Variants in EEF2K observed in about 807,000 individuals in gnomAD.
The protein encoded by EEF2K is eukaryotic elongation factor 2 kinase.
Under a neutral mutation model 93.8 loss-of-function variants are expected in EEF2K, and 70 were observed. The observed-to-expected ratio is 0.75, with a 90% CI of 0.62 to 0.91. EEF2K has a LOEUF of 0.91. Among genes scored for constraint, EEF2K ranks in the 40% least tolerant of loss-of-function variants. The pLI is 0.00. For missense variants in EEF2K, 935 were observed against 972.9 expected (o/e 0.96, Z 0.52); for synonymous variants, 376 against 380.8 (o/e 0.99, Z 0.15).
chr16:22,208,537 A>G (rs1285116709), intron 1 of EEF2K, among the ~76,000 whole-genome samples: 3 of 152,178 alleles, frequency 2.0e-5, no homozygotes, highest in African/African-American at 7.2e-5. Flanking sequence ...CTCAAAAAAT[A>G]AAAAAGATCC....
intron 15 of EEF2K, among the ~76,000 whole-genome samples, chr16:22,271,587 C>A (rs2047583080): frequency 6.6e-6 from 1 of 151,638 alleles, no homozygotes; most frequent in Non-Finnish European, 1.5e-5. Context: ...GTAGTCCCAG[C>A]TACTTGGGAG....
intron 1 of EEF2K, among the ~76,000 whole-genome samples, chr16:22,211,336 C>CT (rs2046911395): frequency 6.6e-6 from 1 of 152,166 alleles, no homozygotes; most frequent in Non-Finnish European, 1.5e-5. Flanking sequence ...GGTTTTGGTG[C>CT]TTATCAGGTC....
intron 1 of EEF2K, among the ~76,000 whole-genome samples, chr16:22,216,752 A>G (rs138857172): frequency 6.6e-6 from 1 of 152,254 alleles, no homozygotes; most frequent in Non-Finnish European, 1.5e-5. Context: ...AGGAACCAGA[A>G]GAAGACCTAC....
intron 1 of EEF2K, among the ~76,000 whole-genome samples, chr16:22,218,323 C>T (rs1189324192): frequency 1.3e-5 from 2 of 152,194 alleles, no homozygotes; most frequent in Non-Finnish European, 2.9e-5. Context: ...CTGTGCTGGG[C>T]GTACACTAGT....
chr16:22,212,852 T>C (rs1405369829), intron 1 of EEF2K, among the ~76,000 whole-genome samples: 5 of 152,026 alleles, frequency 3.3e-5, no homozygotes, highest in Admixed American at 2.6e-4. Context: ...CACAGGCCTG[T>C]AGTCCCAGCT....
intron 2 of EEF2K, among the ~76,000 whole-genome samples, chr16:22,229,317 C>CA (rs916960004): frequency 2.0e-5 from 3 of 152,040 alleles, no homozygotes; most frequent in South Asian, 2.1e-4. Context: ...AAAAAACAAA[C>CA]AAAAAAACAC....
In EEF2K at chr16:22,281,886, TTATATA is replaced by T. The variant is rs1277454657; in HGVS notation, c.2068+1516_2068+1521del. Reference sequence around the variant, plus strand: ...ATCCATTCATCAGTTGATAGACAAGTTATATATATATTTTTTCTGTTACATAATGTA... The same window carrying T: ...ATCCATTCATCAGTTGATAGACAAGTTATATTTTTTCTGTTACATAATGTA... On this transcript the variant is annotated intron_variant, in intron 17 of 17. Coordinates refer to ENST00000263026, the MANE Select transcript of EEF2K (RefSeq NM_013302.5). Among the ~76,000 whole-genome samples, 9 of 152,258 alleles carry T rather than the reference TTATATA, an allele frequency of 5.9e-5. No individual in the cohort carries two copies. In the East Asian group the frequency reaches 1.7e-3, roughly 29 times the overall value.
At chr16:22,208,329 C>T (rs1298083807) in intron 1 of EEF2K, among the ~76,000 whole-genome samples, 1 of 152,132 alleles carries the variant, frequency 6.6e-6, no homozygotes, top group Non-Finnish European at 1.5e-5. Context: ...TTGAGACCAG[C>T]CTGGCCAACA....
chr16:22,242,125 CAG>C (rs1409105004), intron 2 of EEF2K, among the ~76,000 whole-genome samples: 2 of 152,088 alleles, frequency 1.3e-5, no homozygotes, highest in African/African-American at 4.8e-5. Flanking sequence ...GCCTGGACAA[CAG>C]AGAGAGACCT....
intron 2 of EEF2K, among the ~76,000 whole-genome samples, chr16:22,226,290 C>A (rs2047062533): frequency 1.4e-5 from 2 of 147,570 alleles, no homozygotes; most frequent in African/African-American, 5.0e-5. Flanking sequence ...CAGAGTTCTC[C>A]TCTGTCACCC....
chr16:22,282,676 A>G (rs2141691135), intron 17 of EEF2K, among the ~76,000 whole-genome samples: 1 of 152,378 alleles, frequency 6.6e-6, no homozygotes, highest in Admixed American at 6.5e-5. Flanking sequence ...ATGATACAGC[A>G]CCAAGGCCTG....
At chr16:22,248,623 G>A in intron 3 of EEF2K, 132 bp from the exon 4 acceptor site, 1 of 1,025,122 alleles carries the variant, frequency 9.8e-7, no homozygotes, top group Non-Finnish European at 1.5e-6. Flanking sequence ...GGTTGGCTGG[G>A]CTATGGGCCA....
intron 17 of EEF2K, 70 bp from the exon 18 acceptor site, chr16:22,283,817 A>G: frequency 7.0e-7 from 1 of 1,431,560 alleles, no homozygotes; most frequent in Admixed American, 2.0e-5. Flanking sequence ...GGGAGGGGTG[A>G]TGGGGGACAC....
chr16:22,207,643 C>T (rs534257662), intron 1 of EEF2K, among the ~76,000 whole-genome samples: 18 of 152,130 alleles, frequency 1.2e-4, no homozygotes, highest in African/African-American at 4.1e-4. Context: ...GGTTGAGGGC[C>T]CTGGACAGGC....
chr16:22,237,632 A>G lies in EEF2K; in HGVS notation c.247-6998A>G, dbSNP rs962899155. ...AACCCTGTCTCAAAAAAAAAAAGAA[A>G]AGAAGAAAACTCGTCTAACCCAGTA... On this transcript the variant is annotated intron_variant, in intron 2 of 17. Coordinates refer to ENST00000263026, the MANE Select transcript of EEF2K (RefSeq NM_013302.5). Among the ~76,000 whole-genome samples, 5 of 151,946 alleles carry G rather than the reference A, an allele frequency of 3.3e-5. No individual in the cohort carries two copies. In the East Asian group the frequency reaches 9.6e-4, roughly 29 times the overall value.
chr16:22,225,316 G>C (rs1339857041), intron 1 of EEF2K, among the ~76,000 whole-genome samples: 1 of 152,202 alleles, frequency 6.6e-6, no homozygotes, highest in Non-Finnish European at 1.5e-5. Context: ...TATTATGAAT[G>C]TGAAAGGAAG....
intron 2 of EEF2K, among the ~76,000 whole-genome samples, chr16:22,229,614 T>C (rs1277885264): frequency 2.6e-5 from 4 of 152,060 alleles, no homozygotes; most frequent in Admixed American, 1.3e-4. Context: ...AGCATGAGAA[T>C]CACTTGAACC....
At chr16:22,222,347 A>T (rs1210571876) in intron 1 of EEF2K, among the ~76,000 whole-genome samples, 2 of 151,726 alleles carry the variant, frequency 1.3e-5, no homozygotes, top group East Asian at 3.9e-4. Flanking sequence ...CTGGGACTAC[A>T]GGCACGCACC....
chr16:22,218,549 C>T lies in EEF2K; in HGVS notation c.-76-7105C>T, dbSNP rs548477951. On this transcript the variant is annotated intron_variant, in intron 1 of 17. Coordinates refer to ENST00000263026, the MANE Select transcript of EEF2K (RefSeq NM_013302.5). Reference sequence around the variant, plus strand: ...TTTCCTGCCCCTGTAACTGCCAGATCGAGACCCAGTGAGACAGTGGTTTCC... The same window carrying T: ...TTTCCTGCCCCTGTAACTGCCAGATTGAGACCCAGTGAGACAGTGGTTTCC... 5.5e-4 allele frequency among the ~76,000 whole-genome samples: 83 copies of T among 152,110 alleles called. 1 individual carries two copies. The highest frequency in any genetic ancestry group is 1.0e-3 in the Non-Finnish European group (68 of 68,020).
Sources: allele counts gnomAD v4.1 joint callset (sites outside exome capture counted in the v4.1 genomes callset), GRCh38; gene constraint gnomAD v4.1.1; transcripts MANE v1.5; gene names NCBI Gene and HGNC (gene_info 2026-07-23, HGNC 2026-07-21).